FLII: variants seen among roughly 807,000 people sequenced by gnomAD.
FLII encodes the protein protein flightless-1 homolog.
A neutral mutation model predicts 156.2 loss-of-function variants in FLII; 101 were observed. The observed-to-expected ratio is 0.65, with a 90% CI of 0.55 to 0.76. The LOEUF (loss-of-function observed/expected upper bound fraction) is 0.76, where lower values mean the gene tolerates loss of function less well. Among genes scored for constraint, FLII ranks in the 30% least tolerant of loss-of-function variants. The pLI, the probability that FLII is intolerant of heterozygous loss-of-function variation, is 0.00. For synonymous variants in FLII, 767 were observed against 685.8 expected, an observed-to-expected ratio of 1.12 and a Z score of -1.85; for missense variants, 1,675 against 1,682.8, an observed-to-expected ratio of 1.00 and a Z score of 0.08.
Position 18,253,622 on chromosome 17 carries a change from C to T in FLII, c.777G>A (p.Thr259=), listed in dbSNP as rs555496794. 4.3e-6 allele frequency: 7 copies of T among 1,614,068 alleles called. No homozygotes were observed. The Admixed American group carries it at 6.7e-5, about 15-fold the overall frequency. ...RRLNLSSNQI[T]ELSLCIDQWV... ...ACTGGTCTATGCACAGGGACAGCTC[C>T]GTGATCTGGTTGCTGCTGAGGTTGA... The change falls in exon 8 of 30, where the codon ACG becomes ACA. Residue 259 remains threonine, a synonymous_variant. Coordinates refer to ENST00000327031, the MANE Select transcript of FLII (RefSeq NM_002018.4).
intron 10 of FLII, 66 bp from the exon 11 acceptor site, chr17:18,252,212 G>A (rs2048294533): frequency 1.4e-6 from 2 of 1,464,874 alleles, no homozygotes; most frequent in East Asian, 4.6e-5. Flanking sequence ...CACCAATCCA[G>A]TTTCTTGCTC....
In FLII at chr17:18,245,182, G is replaced by C; in HGVS notation, c.3766C>G (p.Arg1256Gly). ...RKGNEQHAFT[R>G]CFHAWSAFCK... ...AAGGCGCTCCAGGCGTGGAAGCAGC[G>C]GGTAAAGGCGTGCTGCTCATTGCCC... Residue 1256 changes from arginine to glycine, a missense_variant, in exon 30 of 30, where the codon CGC becomes GGC. This residue lies in a region of FLII where 1,332 missense variants were observed against 1,269.3 expected (regional missense o/e 1.05). Transcript: ENST00000327031. The C allele has an allele frequency of 6.2e-7, 1 of 1,613,870 alleles. No homozygotes were observed. Among genetic ancestry groups the C allele is most frequent in the Non-Finnish European group, 8.5e-7 (1 of 1,179,948 alleles).
Position 18,246,192 on chromosome 17 carries a change from G to C in FLII, c.3237C>G (p.Leu1079=). 6.2e-7 allele frequency: 1 copy of C among 1,614,158 alleles called. No individual in the cohort carries two copies. Among genetic ancestry groups the C allele is most frequent in the Non-Finnish European group, 8.5e-7 (1 of 1,180,030 alleles). Residue 1079 remains leucine (L), a synonymous_variant, in exon 25 of 30, where the codon CTC becomes CTG. Transcript: ENST00000327031. ...GGATGAAGCAGAACTCGGAGTTGAG[G>C]AGGCTGGAGTCGGTGTTGATCTGGA... The part of the protein sequence containing the change: ...RCIQINTDSS[L]LNSEFCFILK...
In FLII at chr17:18,246,386, C is replaced by T. The variant is rs1399639101; in HGVS notation, c.3128G>A (p.Gly1043Asp). 6.2e-7 allele frequency: 1 copy of T among 1,613,966 alleles called. No homozygotes were observed. Residue 1043 changes from glycine (G) to aspartate (D), a missense_variant, in exon 24 of 30, where the codon GGC becomes GAC. Gly to Asp is a moderately conservative substitution (Grantham distance 94, BLOSUM62 -1). Around this residue, in one of 2 missense-constraint regions of FLII, gnomAD observed 1,332 missense variants for 1,269.3 expected, o/e 1.05. Coordinates refer to ENST00000327031, the MANE Select transcript of FLII (RefSeq NM_002018.4). ...GGCGCCCTGGACCGCCTTCCTCTTG[C>T]CCCGGTGGATGATGAACTTCCTCTT... ...HFKRKFIIHR[G>D]KRKAVQGAQQ...
At position 18,255,378 on chromosome 17, in the gene FLII, C is replaced by G. The variant is rs946426696; in HGVS notation, c.247-115G>C. On this transcript the variant is annotated intron_variant, in intron 3 of 29. Coordinates refer to ENST00000327031, the MANE Select transcript of FLII (RefSeq NM_002018.4). ...ACCAGAGGCCAGGCCTGAGGACTCT[C>G]TCACCTCTGGCCTTTGATCAAATAG... is the stretch of plus-strand genomic sequence containing the variant. 14 of 771,314 alleles carry G rather than the reference C, an allele frequency of 1.8e-5. No individual in the cohort carries two copies. In the African/African-American group the frequency reaches 2.1e-4, roughly 12 times the overall value. The allele number at this position is 771,314 out of a possible 1,614,324, so 47.8% of individuals were successfully genotyped here. A position where few individuals can be genotyped will look rare whatever the true frequency, so the allele number is the denominator to read the frequency against.
rs1491484635 is a variant in FLII at position 18,247,140 on chromosome 17, CCG to C, written c.2676+27_2676+28del. 61 of 1,338,988 alleles carry C rather than the reference CCG, an allele frequency of 4.6e-5. 1 individual carries two copies. The highest frequency in any genetic ancestry group is 1.2e-4 in the African/African-American group (8 of 64,284). 82.9% of individuals were successfully genotyped at this position (1,338,988 alleles called of 1,614,324 possible). ...CTCGGCCTGCCCCCCACCCCCCCCC[CCG>C]CGCCCCGGTCCCGGCCCTGCCCCCA... is the stretch of plus-strand genomic sequence containing the variant. On this transcript the variant is annotated intron_variant, in intron 21 of 29. Coordinates refer to ENST00000327031, the MANE Select transcript of FLII (RefSeq NM_002018.4).
intron 9 of FLII, 25 bp from the exon 10 acceptor site, chr17:18,252,581 C>T: frequency 6.2e-7 from 1 of 1,600,518 alleles, no homozygotes; most frequent in Non-Finnish European, 8.6e-7. Flanking sequence ...CCAGCCAGGG[C>T]CTCAGGCAGG....
chr17:18,246,337 G>C lies in FLII; in HGVS notation c.3177C>G (p.Ile1059Met), dbSNP rs1567704866. 1.9e-6 allele frequency: 3 copies of C among 1,613,866 alleles called. No homozygotes were observed. The highest frequency in any genetic ancestry group is 2.5e-6 in the Non-Finnish European group (3 of 1,180,012). The change falls in exon 24 of 30, where the codon ATC becomes ATG. Residue 1059 changes from isoleucine to methionine, a missense_variant. By Grantham distance (10) the Ile-to-Met change is conservative (BLOSUM62 1). Transcript: ENST00000327031. ...TGCAGAGGGCGCTGCCGTTGGTGCG[G>C]ATCTGGTAGAGGCTGGGCTGTTGGG... is the stretch of plus-strand genomic sequence containing the variant. ...QGAQQPSLYQ[I>M]RTNGSALCTR...
At position 18,248,790 on chromosome 17, in the gene FLII, G is replaced by A. The variant is rs1326983623; in HGVS notation, c.2018+10C>T. 1 of 1,614,006 alleles carries A rather than the reference G, an allele frequency of 6.2e-7. No individual in the cohort carries two copies. On this transcript the variant is annotated intron_variant, in intron 17 of 29. Coordinates refer to ENST00000327031, the MANE Select transcript of FLII (RefSeq NM_002018.4). Reference sequence around the variant, plus strand: ...TCCTTCACACAAAAGACCCCACGGTGTCCTTGTACCTGGCCTTGGTGGTGC... The same window carrying A: ...TCCTTCACACAAAAGACCCCACGGTATCCTTGTACCTGGCCTTGGTGGTGC...
chr17:18,258,545 G>C lies in FLII; in HGVS notation c.63+83C>G. On this transcript the variant is annotated intron_variant, in intron 1 of 29. Coordinates refer to ENST00000327031, the MANE Select transcript of FLII (RefSeq NM_002018.4). The surrounding 1 kb of genome is among the most constrained non-coding windows in gnomAD (Gnocchi z 4.2). ...TGGGACACGCAGGGCCTGGAGCCGA[G>C]CGGGACAGGAAGCGGAGGCCAAGCG... 1 of 1,519,200 alleles carries C rather than the reference G, an allele frequency of 6.6e-7. No individual in the cohort carries two copies. Among genetic ancestry groups the C allele is most frequent in the Non-Finnish European group, 8.8e-7 (1 of 1,140,426 alleles). 94.1% of individuals were successfully genotyped at this position (1,519,200 alleles called of 1,614,324 possible). A position where few individuals can be genotyped will look rare whatever the true frequency, so the allele number is the denominator to read the frequency against.
chr17:18,250,934 G>A lies in FLII; in HGVS notation c.1680C>T (p.Cys560=), dbSNP rs1567712169. The A allele has an allele frequency of 6.2e-7, 1 of 1,614,014 alleles. No individual in the cohort carries two copies. The highest frequency in any genetic ancestry group is 8.5e-7 in the Non-Finnish European group (1 of 1,179,994). The change falls in exon 14 of 30, where the codon TGC becomes TGT. Residue 560 remains cysteine, a synonymous_variant. Coordinates refer to ENST00000327031, the MANE Select transcript of FLII (RefSeq NM_002018.4). ...GGEATLDKKA[C]SAIHAVNLRN... ...GCAAGTTGACAGCGTGGATGGCAGA[G>A]CAAGCTTTCTTGTCGAGTGTGGCCT...
In FLII at chr17:18,247,305, G is replaced by T. The variant is rs1014593556; in HGVS notation, c.2540C>A (p.Thr847Lys). 4 of 1,611,272 alleles carry T rather than the reference G, an allele frequency of 2.5e-6. No homozygotes were observed. The highest frequency in any genetic ancestry group is 2.7e-5 in the African/African-American group (2 of 74,600). Residue 847 changes from threonine (T) to lysine (K), a missense_variant, in exon 21 of 30, where the codon ACA becomes AAA. Coordinates refer to ENST00000327031, the MANE Select transcript of FLII (RefSeq NM_002018.4). ...NWDDVLTVDY[T>K]RNAEAVLQSP... is the part of the protein sequence containing the mutation. ...CTGCAGCACGGCCTCCGCATTGCGT[G>T]TGTAGTCCACCGTCAACACATCGTC...
In FLII at chr17:18,246,150, C is replaced by T; in HGVS notation, c.3267+12G>A. On this transcript the variant is annotated intron_variant, in intron 25 of 29. Transcript: ENST00000327031. ...TGGTCCACGGAGTCCTGGCTCACAC[C>T]CACAACCCCACCTTGAGGATGAAGC... The T allele has an allele frequency of 6.2e-7, 1 of 1,614,116 alleles. No individual in the cohort carries two copies. The highest frequency in any genetic ancestry group is 8.5e-7 in the Non-Finnish European group (1 of 1,180,006).
intron 3 of FLII, among the ~76,000 whole-genome samples, chr17:18,255,531 CTCT>C (rs2048388805): frequency 1.3e-5 from 2 of 152,212 alleles, no homozygotes; most frequent in South Asian, 2.1e-4. Flanking sequence ...CAAACCATTT[CTCT>C]TCTTCTTAAT....
intron 13 of FLII, 59 bp downstream of exon 13, chr17:18,251,206 A>C: frequency 6.4e-7 from 1 of 1,563,470 alleles, no homozygotes; most frequent in Non-Finnish European, 8.8e-7. Flanking sequence ...TTGGGGACTG[A>C]GCCATCTTAG....
chr17:18,252,254 G>A, intron 10 of FLII, 108 bp from the exon 11 acceptor site: 1 of 1,107,110 alleles, frequency 9.0e-7, no homozygotes, highest in Non-Finnish European at 1.3e-6. Context: ...GAGAGGTCAG[G>A]GAACTGGGTT....
chr17:18,246,856 G>T (rs757902258), intron 22 of FLII, 28 bp from the exon 23 acceptor site: 2 of 1,613,992 alleles, frequency 1.2e-6, no homozygotes, highest in Non-Finnish European at 1.7e-6. Flanking sequence ...TGTGAGCAGG[G>T]GCTCGAGCCC....
intron 13 of FLII, 118 bp downstream of exon 13, chr17:18,251,147 C>T (rs2048254954): frequency 7.1e-7 from 1 of 1,409,574 alleles, no homozygotes; most frequent in East Asian, 2.5e-5. Context: ...GGACCACCTC[C>T]TGCAGCCTGC....
At chr17:18,250,693 C>T (rs568151101) in intron 14 of FLII, 145 bp downstream of exon 14, 47 of 851,930 alleles carry the variant, frequency 5.5e-5, no homozygotes, top group African/African-American at 3.0e-4. Flanking sequence ...CCTTAGGTCC[C>T]GCACAGTATC....
Sources: gnomAD v4.1 joint callset for allele counts (sites outside exome capture counted in the v4.1 genomes callset) on GRCh38, gnomAD v4.1.1 for gene constraint, gnomAD v4.1.1 regional missense constraint, Gnocchi (gnomAD v3.1) non-coding constraint, MANE v1.5 for transcripts, NCBI Gene and HGNC (gene_info 2026-07-23, HGNC 2026-07-21) for gene names.